Variants in FGD4 observed in about 807,000 individuals in gnomAD.
FGD4 encodes FYVE, RhoGEF and PH domain containing 4.
A neutral mutation model predicts 102.0 loss-of-function variants in FGD4; 42 were observed. The ratio of observed to expected loss-of-function variants is 0.41; its 90% CI spans 0.32 to 0.53. The LOEUF (loss-of-function observed/expected upper bound fraction) is 0.53. Among genes scored for constraint, FGD4 ranks in the 20% least tolerant of loss-of-function variants. FGD4 has a pLI of 0.21. For synonymous variants in FGD4, 380 were observed against 375.7 expected, an observed-to-expected ratio of 1.01 and a Z score of -0.13; for missense variants, 902 against 1,078.2, an observed-to-expected ratio of 0.84 and a Z score of 2.29.
chr12:32,630,852 C>T (rs1380496502), intron 14 of FGD4, among the ~76,000 whole-genome samples: 2 of 151,410 alleles, frequency 1.3e-5, no homozygotes, highest in African/African-American at 2.4e-5. Context: ...GTGGCACACA[C>T]CCGTAGTCCC....
At chr12:32,559,991 T>C (rs1214731605) in intron 1 of FGD4, among the ~76,000 whole-genome samples, 2 of 152,226 alleles carry the variant, frequency 1.3e-5, no homozygotes, top group Non-Finnish European at 2.9e-5. Flanking sequence ...AGTTGAGCTG[T>C]GGCTCTGCAC....
Position 32,443,534 on chromosome 12 carries a change from GT to G in FGD4, c.166+43597del, listed in dbSNP as rs1178483915. 4.8e-3 allele frequency among the ~76,000 whole-genome samples: 568 copies of G among 118,364 alleles called. 3 individuals carry two copies. Among genetic ancestry groups the G allele is most frequent in the African/African-American group, 0.013 (434 of 32,172 alleles). 77.7% of individuals were successfully genotyped at this position (118,364 alleles called of 152,430 possible). ...GCCTGGCTGAGATCTTGTGTTTTAG[GT>G]TTTTTTTTTTTTTTTTTTTTTGAGG... On this transcript the variant is annotated intron_variant, in intron 1 of 16. Coordinates refer to ENST00000534526, the MANE Select transcript of FGD4 (RefSeq NM_001370298.3).
chr12:32,473,824 A>G (rs1052184167), intron 1 of FGD4, among the ~76,000 whole-genome samples: 25 of 152,342 alleles, frequency 1.6e-4, no homozygotes, highest in Non-Finnish European at 3.2e-4. Flanking sequence ...GCGGTGGCTC[A>G]TGCCTGTAAT....
chr12:32,405,551 G>A (rs958276568), intron 1 of FGD4, among the ~76,000 whole-genome samples: 3 of 152,160 alleles, frequency 2.0e-5, no homozygotes, highest in Admixed American at 6.5e-5. Context: ...GAGCCACTGC[G>A]CCCAGCCTAG....
intron 1 of FGD4, among the ~76,000 whole-genome samples, chr12:32,563,570 A>G (rs1380425149): frequency 6.6e-6 from 1 of 151,320 alleles, no homozygotes; most frequent in Non-Finnish European, 1.5e-5. Context: ...GCAGCCGGGC[A>G]GAGACGCTCC....
chr12:32,401,632 G>C (rs1940665563), intron 1 of FGD4, among the ~76,000 whole-genome samples: 2 of 151,944 alleles, frequency 1.3e-5, no homozygotes, highest in African/African-American at 4.8e-5. Flanking sequence ...TAGGGGAAAA[G>C]AGGAAGTGCC....
intron 7 of FGD4, among the ~76,000 whole-genome samples, chr12:32,603,396 T>G (rs1324605900): frequency 6.6e-6 from 1 of 152,022 alleles, no homozygotes; most frequent in Admixed American, 6.6e-5. Context: ...ATTTATTTTT[T>G]TTTTTGGAGA....
At position 32,638,682 on chromosome 12, in the gene FGD4, A is replaced by G; in HGVS notation, c.2341A>G (p.Ser781Gly). ...EIESAEVSGNSVVCSFLQYME... is the reference protein window; with the variant it reads ...EIESAEVSGNGVVCSFLQYME... ...TGAATCAGCAGAAGTATCTGGAAAC[A>G]GTGTGGTGTGCAGCTTTCTTCAGTA... The change falls in exon 16 of 17, where the codon AGT becomes GGT. Residue 781 changes from serine (S) to glycine (G), a missense_variant. Ser to Gly is a moderately conservative substitution (Grantham distance 56). Coordinates refer to ENST00000534526, the MANE Select transcript of FGD4 (RefSeq NM_001370298.3). 2 of 1,614,178 alleles carry G rather than the reference A, an allele frequency of 1.2e-6. No individual in the cohort carries two copies. Among genetic ancestry groups the G allele is most frequent in the South Asian group, 2.2e-5 (2 of 91,086 alleles).
intron 11 of FGD4, among the ~76,000 whole-genome samples, chr12:32,620,521 T>TTTTTTTCTTTC (rs1949753118): frequency 2.3e-5 from 1 of 43,364 alleles, no homozygotes; most frequent in Admixed American, 2.6e-4. Context: ...TTTTTCTTTC[T>TTTTTTTCTTTC]TTTTTTTTTT....
chr12:32,466,638 T>G (rs575720430), intron 1 of FGD4, among the ~76,000 whole-genome samples: 1 of 151,856 alleles, frequency 6.6e-6, no homozygotes, highest in African/African-American at 2.4e-5. Context: ...GAGGCTGAGG[T>G]GGGTGGATTG....
intron 1 of FGD4, among the ~76,000 whole-genome samples, chr12:32,444,231 C>G (rs985769458): frequency 5.9e-5 from 9 of 151,910 alleles, no homozygotes; most frequent in African/African-American, 2.2e-4. Flanking sequence ...ACTATGTTGC[C>G]CAGGCTAGTC....
chr12:32,615,576 G>A (rs1949397399), intron 10 of FGD4, among the ~76,000 whole-genome samples: 1 of 152,116 alleles, frequency 6.6e-6, no homozygotes, highest in Admixed American at 6.5e-5. Context: ...GATGTGTCAT[G>A]TTAGGGTTCA....
intron 1 of FGD4, among the ~76,000 whole-genome samples, chr12:32,404,955 A>C (rs964653102): frequency 6.6e-6 from 1 of 151,986 alleles, no homozygotes; most frequent in Admixed American, 6.6e-5. Flanking sequence ...ATTTTTTGAG[A>C]CGGAGTCTGG....
chr12:32,619,361 G>A (rs974639710), intron 10 of FGD4, among the ~76,000 whole-genome samples: 1 of 152,072 alleles, frequency 6.6e-6, no homozygotes, highest in African/African-American at 2.4e-5. Flanking sequence ...GGGTGCGGTG[G>A]CTCACACCTG....
chr12:32,427,340 A>ACTT (rs1941875383), intron 1 of FGD4, among the ~76,000 whole-genome samples: 1 of 152,142 alleles, frequency 6.6e-6, no homozygotes, highest in African/African-American at 2.4e-5. Flanking sequence ...GTCATTCAGG[A>ACTT]GTAGGTTGTT....
intron 1 of FGD4, among the ~76,000 whole-genome samples, chr12:32,426,328 G>T (rs1273257494): frequency 6.6e-6 from 1 of 152,120 alleles, no homozygotes; most frequent in East Asian, 1.9e-4. Flanking sequence ...TAATCATGTG[G>T]TTTTTGTCGT....
chr12:32,434,860 G>C (rs1393353416), intron 1 of FGD4, among the ~76,000 whole-genome samples: 2 of 152,112 alleles, frequency 1.3e-5, no homozygotes, highest in African/African-American at 4.8e-5. Context: ...GATTGAATAA[G>C]ATGAAAAAAA....
intron 1 of FGD4, among the ~76,000 whole-genome samples, chr12:32,527,286 C>T (rs896780016): frequency 1.3e-5 from 2 of 152,184 alleles, no homozygotes; most frequent in Non-Finnish European, 2.9e-5. Context: ...TAAACATACA[C>T]GTCGAAGGGT....
At chr12:32,602,006 TGA>T (rs1406066041) in intron 6 of FGD4, among the ~76,000 whole-genome samples, 153 bp from the exon 7 acceptor site, 4 of 152,310 alleles carry the variant, frequency 2.6e-5, no homozygotes, top group African/African-American at 9.6e-5. Flanking sequence ...TCCCAGCTAC[TGA>T]GAGTGCTGAA....
Sources: allele counts gnomAD v4.1 joint callset (sites outside exome capture counted in the v4.1 genomes callset), GRCh38; gene constraint gnomAD v4.1.1; transcripts MANE v1.5; gene names NCBI Gene and HGNC (gene_info 2026-07-23, HGNC 2026-07-21).